Variants in SHISA9 observed in about 807,000 individuals in gnomAD.
SHISA9 encodes the protein protein shisa-9.
In SHISA9, 13 loss-of-function variants were observed where a neutral mutation model predicts 38.0. That is an observed-to-expected ratio of 0.34 (90% CI 0.22 to 0.54). SHISA9 has a LOEUF of 0.54. Among genes scored for constraint, SHISA9 ranks in the 20% least tolerant of loss-of-function variants. The probability of loss-of-function intolerance (pLI) is 0.91; values close to 1 mark genes in which losing one functional copy is unlikely to be tolerated. For synonymous variants in SHISA9, 275 were observed against 242.0 expected (o/e 1.14, Z -1.27); for missense variants, 538 against 575.8 (o/e 0.93, Z 0.67).
chr16:13,408,735 T>C, the SHISA9 span, among the ~76,000 whole-genome samples: 1 of 152,196 alleles, frequency 6.6e-6, no homozygotes, highest in Non-Finnish European at 1.5e-5. Flanking sequence ...TGTTTTCTCC[T>C]CTGTACGTAC....
At chr16:13,245,496 C>A in the SHISA9 span, among the ~76,000 whole-genome samples, 3 of 152,160 alleles carry the variant, frequency 2.0e-5, no homozygotes, top group African/African-American at 7.2e-5. Flanking sequence ...GATAAAAAGA[C>A]AGTAGCTTAA....
the SHISA9 span, among the ~76,000 whole-genome samples, chr16:13,253,297 T>C: frequency 6.6e-6 from 1 of 152,188 alleles, no homozygotes; most frequent in African/African-American, 2.4e-5. Flanking sequence ...GAGTCAACTG[T>C]ATCGTGAGGC....
intron 2 of SHISA9, among the ~76,000 whole-genome samples, chr16:13,188,716 C>CAA (rs35558481): frequency 0.034 from 2,644 of 78,644 alleles, 152 homozygotes; most frequent in Non-Finnish European, 0.042. Flanking sequence ...GACCCTGTTT[C>CAA]AAAAAAAAAA....
the SHISA9 span, among the ~76,000 whole-genome samples, chr16:13,411,481 A>G: frequency 6.6e-6 from 1 of 152,248 alleles, no homozygotes; most frequent in Non-Finnish European, 1.5e-5. Flanking sequence ...ACTTAAACAC[A>G]AAGAAGATGG....
chr16:13,414,881 C>A, the SHISA9 span, among the ~76,000 whole-genome samples: 2 of 152,120 alleles, frequency 1.3e-5, no homozygotes, highest in Non-Finnish European at 2.9e-5. Flanking sequence ...GATCCACCTG[C>A]CTTGGCCTCC....
chr16:13,132,651 C>T (rs1372312639), intron 2 of SHISA9, among the ~76,000 whole-genome samples: 1 of 152,100 alleles, frequency 6.6e-6, no homozygotes, highest in Non-Finnish European at 1.5e-5. Context: ...GGGTCTAAAG[C>T]CATTGTCTCC....
chr16:13,121,774 T>C (rs747298278), intron 2 of SHISA9, among the ~76,000 whole-genome samples: 2 of 151,590 alleles, frequency 1.3e-5, no homozygotes, highest in Non-Finnish European at 2.9e-5. Context: ...CAAATTCTTT[T>C]TACAATGAAC....
chr16:13,269,040 G>A, the SHISA9 span, among the ~76,000 whole-genome samples: 3 of 152,182 alleles, frequency 2.0e-5, no homozygotes, highest in Non-Finnish European at 4.4e-5. Flanking sequence ...AGTCAAGGGA[G>A]CTTGCCTGTG....
chr16:13,455,652 A>T, the SHISA9 span, among the ~76,000 whole-genome samples: 1 of 152,328 alleles, frequency 6.6e-6, no homozygotes, highest in Admixed American at 6.5e-5. Flanking sequence ...ATGCAAAAAC[A>T]TGAAGCTAAG....
chr16:13,411,644 T>G, the SHISA9 span, among the ~76,000 whole-genome samples: 1 of 152,236 alleles, frequency 6.6e-6, no homozygotes, highest in Non-Finnish European at 1.5e-5. Flanking sequence ...TGGCAGTATC[T>G]CTGAATTCCA....
the SHISA9 span, among the ~76,000 whole-genome samples, chr16:13,472,377 A>AGTTTTTTTTTTTTTTTTT: frequency 1.8e-5 from 1 of 55,416 alleles, no homozygotes. Context: ...GCTCTGCTAA[A>AGTTTTTTTTTTTTTTTTT]TTTTTTTTTT....
chr16:13,329,126 A>G, the SHISA9 span, among the ~76,000 whole-genome samples: 3 of 152,148 alleles, frequency 2.0e-5, no homozygotes, highest in African/African-American at 7.2e-5. Flanking sequence ...CAAAGGCCCC[A>G]TTTGCATAAT....
chr16:13,486,940 G>C, the SHISA9 span, among the ~76,000 whole-genome samples: 2 of 152,192 alleles, frequency 1.3e-5, no homozygotes, highest in Middle Eastern at 3.2e-3. Context: ...CCGACCTCAG[G>C]TGATCCACCT....
At chr16:13,436,091 A>C in the SHISA9 span, among the ~76,000 whole-genome samples, 1 of 152,190 alleles carries the variant, frequency 6.6e-6, no homozygotes, top group Non-Finnish European at 1.5e-5. Context: ...GAGGTGTTAG[A>C]ACCAGAGTGA....
chr16:13,263,614 A>G, the SHISA9 span, among the ~76,000 whole-genome samples: 67 of 152,310 alleles, frequency 4.4e-4, 2 homozygotes, highest in East Asian at 0.012. Context: ...TTGTGAGCCA[A>G]TTAAACTTAT....
chr16:13,322,741 T>C, the SHISA9 span, among the ~76,000 whole-genome samples: 1 of 152,146 alleles, frequency 6.6e-6, no homozygotes, highest in Non-Finnish European at 1.5e-5. Flanking sequence ...AGAGAAGGGA[T>C]GAAATTGGGT....
At chr16:13,309,394 C>G in the SHISA9 span, among the ~76,000 whole-genome samples, 1 of 151,906 alleles carries the variant, frequency 6.6e-6, no homozygotes, top group Non-Finnish European at 1.5e-5. Flanking sequence ...TGTAATCCCA[C>G]CACTTTGGGA....
At chr16:13,018,846 T>A (rs2072787932) in intron 2 of SHISA9, among the ~76,000 whole-genome samples, 1 of 152,134 alleles carries the variant, frequency 6.6e-6, no homozygotes, top group African/African-American at 2.4e-5. Flanking sequence ...TGCCAGAGCC[T>A]ATGTGTGATT....
At position 13,138,894 on chromosome 16, in the gene SHISA9, C is replaced by G. The variant is rs377164509; in HGVS notation, c.692-64500C>G. Among the ~76,000 whole-genome samples, 19 of 152,150 alleles carry G rather than the reference C, an allele frequency of 1.2e-4. No homozygotes were observed. The East Asian group carries it at 3.5e-3, about 28-fold the overall frequency. Reference sequence around the variant, plus strand: ...ATTTGCAGTTTTTAATTCCATGGTACCCACCTTTACCTTTGCTTTTTGATT... The same window carrying G: ...ATTTGCAGTTTTTAATTCCATGGTAGCCACCTTTACCTTTGCTTTTTGATT... On this transcript the variant is annotated intron_variant, in intron 2 of 4. Coordinates refer to ENST00000558583, the MANE Select transcript of SHISA9 (RefSeq NM_001145204.3).
Sources: gnomAD v4.1 joint callset for allele counts (sites outside exome capture counted in the v4.1 genomes callset) on GRCh38, gnomAD v4.1.1 for gene constraint, MANE v1.5 for transcripts, NCBI Gene and HGNC (gene_info 2026-07-23, HGNC 2026-07-21) for gene names.